The following MAP4K2 variants were observed in gnomAD, a reference collection of about 807,000 sequenced individuals.
MAP4K2 encodes the protein B lymphocyte serine/threonine protein kinase.
Under a neutral mutation model 125.3 loss-of-function variants are expected in MAP4K2, and 85 were observed. That is an observed-to-expected ratio of 0.68 (90% CI 0.57 to 0.81). The LOEUF (loss-of-function observed/expected upper bound fraction) is 0.81, where lower values mean the gene tolerates loss of function less well. Among genes scored for constraint, MAP4K2 ranks in the 40% least tolerant of loss-of-function variants. The pLI is 0.00. For missense variants in MAP4K2, 923 were observed against 1,056.4 expected, an observed-to-expected ratio of 0.87 and a Z score of 1.75; for synonymous variants, 479 against 445.1, an observed-to-expected ratio of 1.08 and a Z score of -0.96.
At chr11:64,801,063 G>A (rs567207939) in intron 8 of MAP4K2, 32 bp from the exon 9 acceptor site, 4 of 1,613,758 alleles carry the variant, frequency 2.5e-6, no homozygotes, top group South Asian at 1.1e-5. Context: ...GGATGGCCGG[G>A]TGCCCTGCTC....
rs1249230494 is a variant in MAP4K2, at chr11:64,796,717, C to T, written c.1493-4G>A. On this transcript the variant is annotated splice_region_variant and splice_polypyrimidine_tract_variant and intron_variant, in intron 21 of 31. Transcript: ENST00000294066. ...GCCCCTACCACCAGGAACTGGTCTG[C>T]CAGTTTGGGCATGGGGTCAGAGGTC... The T allele has an allele frequency of 3.1e-6, 5 of 1,613,910 alleles. No individual in the cohort carries two copies. The highest frequency in any genetic ancestry group is 1.3e-5 in the African/African-American group (1 of 74,926).
chr11:64,801,634 A>G lies in MAP4K2; in HGVS notation c.415-13T>C. ...GAAGGTTGGCTCCCTGTGGGAATGGAGGAGAGACAATCCCATCTGGTGCCC... is the reference window on the plus strand; with the variant it reads ...GAAGGTTGGCTCCCTGTGGGAATGGGGGAGAGACAATCCCATCTGGTGCCC... On this transcript the variant is annotated splice_polypyrimidine_tract_variant and intron_variant, in intron 6 of 31. Coordinates refer to ENST00000294066, the MANE Select transcript of MAP4K2 (RefSeq NM_004579.5). 6.2e-7 allele frequency: 1 copy of G among 1,613,898 alleles called. No individual in the cohort carries two copies. The highest frequency in any genetic ancestry group is 8.5e-7 in the Non-Finnish European group (1 of 1,179,912).
At chr11:64,797,981 A>G (rs1940931712) in intron 15 of MAP4K2, among the ~76,000 whole-genome samples, 1 of 148,884 alleles carries the variant, frequency 6.7e-6, no homozygotes, top group Admixed American at 6.7e-5. Context: ...CTCAGATTAC[A>G]GGCATGAGCC....
chr11:64,790,885 C>T (rs2136035861), intron 27 of MAP4K2, among the ~76,000 whole-genome samples: 1 of 152,328 alleles, frequency 6.6e-6, no homozygotes. Context: ...CCTGTAATCC[C>T]AGCACTGTGG....
chr11:64,801,299 G>A, intron 7 of MAP4K2, 116 bp from the exon 8 acceptor site: 1 of 1,298,240 alleles, frequency 7.7e-7, no homozygotes, highest in Non-Finnish European at 1.1e-6. Context: ...GGCCCCGCTT[G>A]GTCACAGCTG....
rs2229721 is a variant in MAP4K2 at position 64,789,428 on chromosome 11, C to A, written c.*109G>T. 6.6e-4 allele frequency: 638 copies of A among 959,594 alleles called. 3 individuals are homozygous for A. In the African/African-American group the frequency reaches 9.5e-3, roughly 14 times the overall value. The allele number at this position is 959,594 out of a possible 1,614,324, so 59.4% of individuals were successfully genotyped here. ...GATTACTTCTGACCTTCAGCCCCAGCAGGGCCAGGGCCTGGGCTCCTCTGG... is the reference window on the plus strand; with the variant it reads ...GATTACTTCTGACCTTCAGCCCCAGAAGGGCCAGGGCCTGGGCTCCTCTGG... On this transcript the variant is annotated 3_prime_UTR_variant, in exon 32 of 32. Coordinates refer to ENST00000294066, the MANE Select transcript of MAP4K2 (RefSeq NM_004579.5).
chr11:64,790,729 C>T (rs996658509), intron 27 of MAP4K2, among the ~76,000 whole-genome samples: 2 of 152,196 alleles, frequency 1.3e-5, no homozygotes, highest in African/African-American at 4.8e-5. Flanking sequence ...GACCAGGCCT[C>T]GTGACCCAGT....
At chr11:64,802,331 T>C in intron 4 of MAP4K2, 88 bp downstream of exon 4, 1 of 1,380,582 alleles carries the variant, frequency 7.2e-7, no homozygotes, top group Non-Finnish European at 9.9e-7. Flanking sequence ...GGAGCCCAAG[T>C]CCAGGGCCCA....
In MAP4K2 at chr11:64,790,264, C is replaced by T. The variant is rs1940397907; in HGVS notation, c.2172G>A (p.Arg724=). Residue 724 remains arginine, a synonymous_variant, in exon 29 of 32, where the codon AGG becomes AGA. Coordinates refer to ENST00000294066, the MANE Select transcript of MAP4K2 (RefSeq NM_004579.5). ...TILVSFERCV[R]IVNMQGEPTA... Reference sequence around the variant, plus strand: ...TGGGCTCGCCCTGCATGTTGACAATCCTCACACAGCCTGCACAGGGAAGGA... The same window carrying T: ...TGGGCTCGCCCTGCATGTTGACAATTCTCACACAGCCTGCACAGGGAAGGA... The T allele has an allele frequency of 6.2e-7, 1 of 1,614,182 alleles. No homozygotes were observed.
Position 64,790,174 on chromosome 11 carries a change from T to A in MAP4K2, c.2248+14A>T. 6.2e-7 allele frequency: 1 copy of A among 1,613,924 alleles called. No individual in the cohort carries two copies. The highest frequency in any genetic ancestry group is 8.5e-7 in the Non-Finnish European group (1 of 1,179,870). On this transcript the variant is annotated intron_variant, in intron 29 of 31. Transcript: ENST00000294066. ...GCCAGGGAAAGGCCTGCACCCCACCTCTGGCTCACTCACCCACAGTCTCGA... is the reference window on the plus strand; with the variant it reads ...GCCAGGGAAAGGCCTGCACCCCACCACTGGCTCACTCACCCACAGTCTCGA...
chr11:64,800,882 G>C lies in MAP4K2; in HGVS notation c.662+18C>G. 6.2e-7 allele frequency: 1 copy of C among 1,614,014 alleles called. No individual in the cohort carries two copies. The highest frequency in any genetic ancestry group is 8.5e-7 in the Non-Finnish European group (1 of 1,180,014). On this transcript the variant is annotated intron_variant, in intron 9 of 31. Coordinates refer to ENST00000294066, the MANE Select transcript of MAP4K2 (RefSeq NM_004579.5). ...GCCGCAGATCAAGGGTCAGGTGAGG[G>C]GCAAGTGTTGGGCTGACCTCATGGG...
rs1320948941 is a variant in MAP4K2, at chr11:64,800,169, C to A, written c.855G>T (p.Leu285=). Residue 285 remains leucine (L), a synonymous_variant, in exon 12 of 32, where the codon CTG becomes CTT. Transcript: ENST00000294066. ...GATGAGGGTCACTGGCTTTGTCCAG[C>A]AGCTGTGTGAGGAGGGCCCGAGGGA... ...QQLPRALLTQ[L]LDKASDPHLG... 1.2e-6 allele frequency: 2 copies of A among 1,613,102 alleles called. No homozygotes were observed. Among genetic ancestry groups the A allele is most frequent in the Non-Finnish European group, 1.7e-6 (2 of 1,179,768 alleles).
At chr11:64,791,780 G>A (rs1465121414) in intron 27 of MAP4K2, 129 bp downstream of exon 27, 6 of 987,356 alleles carry the variant, frequency 6.1e-6, no homozygotes, top group Non-Finnish European at 8.6e-6. Flanking sequence ...CCACATGGCA[G>A]CCCTCAAGGT....
chr11:64,800,003 T>C (rs756937652), intron 12 of MAP4K2, 106 bp downstream of exon 12: 3 of 972,042 alleles, frequency 3.1e-6, no homozygotes, highest in South Asian at 1.4e-5. Context: ...TGAGGCCAGC[T>C]CCCTGAGCTG....
chr11:64,791,525 T>C (rs1378288980), intron 27 of MAP4K2, among the ~76,000 whole-genome samples: 1 of 152,164 alleles, frequency 6.6e-6, no homozygotes, highest in African/African-American at 2.4e-5. Flanking sequence ...ACTACACACG[T>C]GCATCAACAT....
chr11:64,800,374 G>A lies in MAP4K2; in HGVS notation c.744C>T (p.His248=). 1 of 1,614,102 alleles carries A rather than the reference G, an allele frequency of 6.2e-7. No homozygotes were observed. Among genetic ancestry groups the A allele is most frequent in the Non-Finnish European group, 8.5e-7 (1 of 1,180,018 alleles). Residue 248 remains histidine (H), a synonymous_variant, in exon 11 of 32, where the codon CAC becomes CAT. Coordinates refer to ENST00000294066, the MANE Select transcript of MAP4K2 (RefSeq NM_004579.5). ...TCTTGGTCAGGGCCAGTTTGAGAAAGTGGTGGAAATTCTGGGTCCTAGAAG... is the reference window on the plus strand; with the variant it reads ...TCTTGGTCAGGGCCAGTTTGAGAAAATGGTGGAAATTCTGGGTCCTAGAAG... ...DKTRWTQNFH[H]FLKLALTKNP...
Position 64,800,944 on chromosome 11 carries a change from C to A in MAP4K2, c.618G>T (p.Glu206Asp), listed in dbSNP as rs1212683315. The A allele has an allele frequency of 6.2e-7, 1 of 1,614,068 alleles. No homozygotes were observed. The highest frequency in any genetic ancestry group is 1.1e-5 in the South Asian group (1 of 91,090). The change falls in exon 9 of 32, where the codon GAG (glutamate) becomes GAT (aspartate). Residue 206 changes from glutamate to aspartate, a missense_variant. This residue lies in a region of MAP4K2 where 833 missense variants were observed against 911.4 expected (regional missense o/e 0.91). Transcript: ENST00000294066. Reference sequence around the variant, plus strand: ...ACAGAGGGGGCTGCAGCTCGCCCAGCTCAATGGCAGTGATGCCCAGGGCCC... The same window carrying A: ...ACAGAGGGGGCTGCAGCTCGCCCAGATCAATGGCAGTGATGCCCAGGGCCC... ...DVWALGITAI[E>D]LGELQPPLFH...
chr11:64,801,263 A>G (rs1182760602), intron 7 of MAP4K2, 80 bp from the exon 8 acceptor site: 6 of 1,520,374 alleles, frequency 3.9e-6, no homozygotes, highest in Non-Finnish European at 5.4e-6. Flanking sequence ...GCTCGGCTGC[A>G]CCTGGCAGGG....
At chr11:64,790,018 C>G (rs1039260843) in intron 29 of MAP4K2, 59 bp from the exon 30 acceptor site, 16 of 1,598,146 alleles carry the variant, frequency 1.0e-5, no homozygotes, top group Non-Finnish European at 1.3e-5. Flanking sequence ...TCAGCCACGC[C>G]TGAGCCTGGG....
Sources: gnomAD v4.1 joint callset for allele counts (sites outside exome capture counted in the v4.1 genomes callset) on GRCh38, gnomAD v4.1.1 for gene constraint, gnomAD v4.1.1 regional missense constraint, MANE v1.5 for transcripts, NCBI Gene and HGNC (gene_info 2026-07-23, HGNC 2026-07-21) for gene names.